USP28: variants seen among roughly 807,000 people sequenced by gnomAD.
The protein encoded by USP28 is ubiquitin carboxyl-terminal hydrolase 28.
Under a neutral mutation model 145.0 loss-of-function variants are expected in USP28, and 113 were observed. The observed-to-expected ratio is 0.78, with a 90% CI of 0.67 to 0.91. USP28 has a LOEUF of 0.91. Among genes scored for constraint, USP28 ranks in the 40% least tolerant of loss-of-function variants. USP28 has a pLI of 0.00. For synonymous variants in USP28, 447 were observed against 450.9 expected, an observed-to-expected ratio of 0.99 and a Z score of 0.11; for missense variants, 1,201 against 1,289.6, an observed-to-expected ratio of 0.93 and a Z score of 1.05.
At chr11:113,821,309 A>C (rs1057199503) in intron 12 of USP28, 1 of 225,342 alleles carries the variant, frequency 4.4e-6, no homozygotes, top group Admixed American at 4.3e-5. Flanking sequence ...TGACAGTGCT[A>C]CATGGAACCA....
rs2135000541 is a variant in USP28, at chr11:113,799,382, G to C, written c.3092C>G (p.Pro1031Arg). 3.1e-6 allele frequency: 5 copies of C among 1,614,086 alleles called. 1 individual carries two copies. In the South Asian group the frequency reaches 5.5e-5, roughly 18 times the overall value. ...TTCTGCAGAAGGATCTAGAAGTCTG[G>C]GTAGAAACTCCCCTAGGCACAGCTG... Residue 1031 changes from proline to arginine, a missense_variant, in exon 25 of 25, where the codon CCC (proline) becomes CGC (arginine). Transcript: ENST00000003302.
At chr11:113,817,808 C>T (rs199559814) in exon 13 of USP28, 263 of 1,614,000 alleles carry the variant, frequency 1.6e-4, no homozygotes, top group Non-Finnish European at 2.0e-4. Context: ...GAGCGGGAAC[C>T]GAGCTGGGCC....
Position 113,808,152 on chromosome 11 carries a change from G to C in USP28, c.2304+146C>G. On this transcript the variant is annotated intron_variant, in intron 18 of 24. Transcript: ENST00000003302. ...CTTCTTTAAGCTGTGGCAGCAGAGT[G>C]GGGAGAAAGAGTAAGAAAAAACAGG... is the stretch of plus-strand genomic sequence containing the variant. The C allele has an allele frequency of 6.6e-7, 1 of 1,517,918 alleles. No homozygotes were observed. The highest frequency in any genetic ancestry group is 8.8e-7 in the Non-Finnish European group (1 of 1,140,782). The allele number at this position is 1,517,918 out of a possible 1,614,324, so 94.0% of individuals were successfully genotyped here.
chr11:113,808,494 C>G (rs908585431), intron 17 of USP28, 57 bp from the exon 18 acceptor site: 64 of 1,583,142 alleles, frequency 4.0e-5, no homozygotes, highest in Non-Finnish European at 5.2e-5. Flanking sequence ...CTAGAACACT[C>G]AGATAAAAAG....
intron 1 of USP28, chr11:113,874,986 A>T: frequency 4.4e-6 from 4 of 910,364 alleles, no homozygotes; most frequent in Non-Finnish European, 5.3e-6. Flanking sequence ...CTTATAGAAG[A>T]CGGTGATTAA....
rs184103452 is a variant in USP28 at position 113,852,121 on chromosome 11, C to T, written c.268+380G>A. ...TCAGTTCACTGCAAGCTCTGCCTCCCGGGTTCATGCCATTCTCCTGCCTCA... is the reference window on the plus strand; with the variant it reads ...TCAGTTCACTGCAAGCTCTGCCTCCTGGGTTCATGCCATTCTCCTGCCTCA... On this transcript the variant is annotated intron_variant, in intron 3 of 24. Coordinates refer to ENST00000003302, the Ensembl canonical transcript of USP28. 4.1e-3 allele frequency among the ~76,000 whole-genome samples: 617 copies of T among 152,244 alleles called. 5 individuals are homozygous for T. The highest frequency in any genetic ancestry group is 6.7e-3 in the Non-Finnish European group (458 of 68,018).
intron 1 of USP28, among the ~76,000 whole-genome samples, chr11:113,864,200 C>T (rs562952056): frequency 6.6e-6 from 1 of 152,176 alleles, no homozygotes; most frequent in East Asian, 1.9e-4. Context: ...AAGATCTCAC[C>T]ACTGCACTCC....
intron 23 of USP28, 97 bp from the exon 25 acceptor site, chr11:113,801,775 A>G: frequency 1.4e-5 from 14 of 983,668 alleles, no homozygotes; most frequent in Non-Finnish European, 2.0e-5. Flanking sequence ...ACTTTACTGC[A>G]CATTGGATGT....
intron 11 of USP28, among the ~76,000 whole-genome samples, chr11:113,826,686 A>G: frequency 6.6e-6 from 1 of 151,904 alleles, no homozygotes. Flanking sequence ...TTGGGAGGCC[A>G]AGGCAGGCGG....
chr11:113,860,356 C>T (rs998007293), intron 1 of USP28, among the ~76,000 whole-genome samples: 44 of 151,144 alleles, frequency 2.9e-4, no homozygotes, highest in African/African-American at 9.7e-4. Flanking sequence ...CTCCAAAGAA[C>T]TACCAAGGTG....
At chr11:113,858,479 T>C (rs931544127) in intron 1 of USP28, among the ~76,000 whole-genome samples, 1 of 152,224 alleles carries the variant, frequency 6.6e-6, no homozygotes, top group African/African-American at 2.4e-5. Context: ...GAAGTCCTTC[T>C]AAGAACTCTG....
At chr11:113,850,280 T>A (rs1946315754) in intron 3 of USP28, among the ~76,000 whole-genome samples, 1 of 152,100 alleles carries the variant, frequency 6.6e-6, no homozygotes, top group Non-Finnish European at 1.5e-5. Flanking sequence ...AACTCTCGCA[T>A]ACAAGGACAA....
At chr11:113,874,465 A>G in intron 1 of USP28, 1 of 1,232,750 alleles carries the variant, frequency 8.1e-7, no homozygotes, top group Non-Finnish European at 1.0e-6. Flanking sequence ...TCCATGCTAA[A>G]TACTACTGGC....
At chr11:113,801,995 A>G (rs977827687) in intron 23 of USP28, among the ~76,000 whole-genome samples, 2 of 152,170 alleles carry the variant, frequency 1.3e-5, no homozygotes, top group Admixed American at 1.3e-4. Flanking sequence ...CTGGTTGTCT[A>G]TCTCCTCTGA....
intron 1 of USP28, among the ~76,000 whole-genome samples, chr11:113,862,454 C>T (rs1195240752): frequency 6.6e-6 from 1 of 152,194 alleles, no homozygotes; most frequent in African/African-American, 2.4e-5. Flanking sequence ...TGGATAATCA[C>T]TGCAGGCTCC....
intron 3 of USP28, among the ~76,000 whole-genome samples, chr11:113,845,435 CAA>C (rs199960425): frequency 7.0e-6 from 1 of 143,572 alleles, no homozygotes. Context: ...GACCCTGTCT[CAA>C]AAAAAAAAAT....
chr11:113,815,431 T>G, intron 13 of USP28, 49 bp from the exon 14 acceptor site: 1 of 1,550,728 alleles, frequency 6.4e-7, no homozygotes. Flanking sequence ...AAAAGATACC[T>G]TGGCCTAAAT....
chr11:113,852,753 A>T (rs1946616360), intron 2 of USP28, 120 bp from the exon 3 acceptor site: 1 of 1,127,634 alleles, frequency 8.9e-7, no homozygotes, highest in Non-Finnish European at 1.3e-6. Context: ...ATTCTAGGGT[A>T]GAATTATGAG....
intron 3 of USP28, among the ~76,000 whole-genome samples, chr11:113,845,049 G>A (rs759041585): frequency 2.3e-4 from 35 of 151,820 alleles, no homozygotes; most frequent in South Asian, 6.3e-4. Flanking sequence ...GAGCCTGGGA[G>A]GTCAAGGCTG....
Sources: gnomAD v4.1 joint callset for allele counts (sites outside exome capture counted in the v4.1 genomes callset) on GRCh38, gnomAD v4.1.1 for gene constraint, MANE v1.5 for transcripts, NCBI Gene and HGNC (gene_info 2026-07-23, HGNC 2026-07-21) for gene names.